Variants in MYH15 observed in about 807,000 individuals in gnomAD.
MYH15 encodes the protein myosin heavy chain 15.
MYH15 carries 227 observed loss-of-function variants against 240.5 expected under a neutral mutation model. The ratio of observed to expected loss-of-function variants is 0.94; its 90% CI spans 0.85 to 1.05. The LOEUF (loss-of-function observed/expected upper bound fraction) is 1.05, where lower values mean the gene tolerates loss of function less well. MYH15 is among the 50% of genes least tolerant of loss of function. The probability of loss-of-function intolerance (pLI) is 0.00; values close to 1 mark genes in which losing one functional copy is unlikely to be tolerated. For synonymous variants in MYH15, 785 were observed against 796.7 expected, an observed-to-expected ratio of 0.99 and a Z score of 0.25; for missense variants, 2,217 against 2,247.5, an observed-to-expected ratio of 0.99 and a Z score of 0.27.
At chr3:108,518,695 C>A (rs979029099) in intron 1 of MYH15, among the ~76,000 whole-genome samples, 1 of 152,174 alleles carries the variant, frequency 6.6e-6, no homozygotes. Flanking sequence ...GGTGTTCACA[C>A]GTCATGTGAC....
chr3:108,464,635 C>T lies in MYH15; in HGVS notation c.1731+3G>A. ...CAAGACCGGGGGTCCAGAGGTAACT[C>T]ACCACTCCTGCATAATGGACAAGTT... On this transcript the variant is annotated splice_donor_region_variant and intron_variant, in intron 15 of 40. Transcript: ENST00000693548. 1 of 1,605,266 alleles carries T rather than the reference C, an allele frequency of 6.2e-7. No individual in the cohort carries two copies. The highest frequency in any genetic ancestry group is 8.5e-7 in the Non-Finnish European group (1 of 1,176,514).
intron 33 of MYH15, among the ~76,000 whole-genome samples, chr3:108,402,648 T>C (rs2082514720): frequency 6.6e-6 from 1 of 152,132 alleles, no homozygotes; most frequent in Non-Finnish European, 1.5e-5. Flanking sequence ...AATAAAGAAG[T>C]TCAGTGCCTC....
intron 21 of MYH15, among the ~76,000 whole-genome samples, chr3:108,446,914 A>C (rs1408844896): frequency 6.6e-6 from 1 of 152,238 alleles, no homozygotes. Flanking sequence ...TGAATTGCTG[A>C]CAAAGAATTC....
At chr3:108,533,650 G>A (rs2083727076), upstream of MYH15, among the ~76,000 whole-genome samples, 2 of 152,120 alleles carry the variant, frequency 1.3e-5, no homozygotes, top group African/African-American at 4.8e-5. Flanking sequence ...ACTATATTTC[G>A]TGAAAGACTT....
the MYH15 span, among the ~76,000 whole-genome samples, chr3:108,536,272 C>CAA: frequency 6.6e-6 from 1 of 151,594 alleles, no homozygotes; most frequent in African/African-American, 2.4e-5. Context: ...CTCAAAAAAA[C>CAA]AAAACAAAAC....
intron 38 of MYH15, 103 bp from the exon 39 acceptor site, chr3:108,384,885 C>T (rs1183796599): frequency 1.0e-6 from 1 of 972,248 alleles, no homozygotes; most frequent in Non-Finnish European, 1.5e-6. Flanking sequence ...CTTTATTAAA[C>T]ATCATCTCAG....
At chr3:108,530,640 G>A (rs1247941881), upstream of MYH15, among the ~76,000 whole-genome samples, 1 of 152,186 alleles carries the variant, frequency 6.6e-6, no homozygotes, top group Non-Finnish European at 1.5e-5. Context: ...TGGTGGGGAT[G>A]TTGATAATGG....
At chr3:108,440,322 A>C (rs1456549066) in intron 23 of MYH15, among the ~76,000 whole-genome samples, 1 of 152,180 alleles carries the variant, frequency 6.6e-6, no homozygotes, top group African/African-American at 2.4e-5. Context: ...TATCCCAAGA[A>C]AGTGGCAGTT....
chr3:108,453,197 G>A (rs2082989504), intron 21 of MYH15, among the ~76,000 whole-genome samples: 1 of 152,092 alleles, frequency 6.6e-6, no homozygotes, highest in Non-Finnish European at 1.5e-5. Flanking sequence ...GCCATGTTCT[G>A]TGACCCCCAA....
chr3:108,405,304 C>T, intron 33 of MYH15, 34 bp downstream of exon 33: 1 of 1,291,434 alleles, frequency 7.7e-7, no homozygotes, highest in Non-Finnish European at 1.1e-6. Flanking sequence ...TTCAGAAATA[C>T]ATAATTGTTA....
intron 12 of MYH15, among the ~76,000 whole-genome samples, chr3:108,474,713 A>G (rs2083205864): frequency 6.6e-6 from 1 of 152,206 alleles, no homozygotes; most frequent in Non-Finnish European, 1.5e-5. Context: ...CTATAAACAT[A>G]GCATGTCATG....
intron 30 of MYH15, among the ~76,000 whole-genome samples, chr3:108,413,033 A>G (rs1314148567): frequency 6.6e-6 from 1 of 152,248 alleles, no homozygotes; most frequent in African/African-American, 2.4e-5. Flanking sequence ...TAGTTCCAAC[A>G]AACCCATGTG....
intron 30 of MYH15, among the ~76,000 whole-genome samples, chr3:108,412,679 G>C (rs548652287): frequency 6.6e-6 from 1 of 152,246 alleles, no homozygotes; most frequent in South Asian, 2.1e-4. Context: ...AATATGTAAA[G>C]GGATATTGGA....
chr3:108,403,002 T>C (rs1397932624), intron 33 of MYH15, among the ~76,000 whole-genome samples: 1 of 152,214 alleles, frequency 6.6e-6, no homozygotes, highest in Non-Finnish European at 1.5e-5. Flanking sequence ...AACTATAACA[T>C]TATTTATTTA....
intron 7 of MYH15, among the ~76,000 whole-genome samples, 158 bp downstream of exon 7, chr3:108,495,622 T>G (rs985184162): frequency 1.3e-5 from 2 of 152,220 alleles, no homozygotes; most frequent in Non-Finnish European, 2.9e-5. Context: ...CTTAATGATA[T>G]AGATAGTAAT....
At chr3:108,438,575 A>T (rs887117912) in intron 24 of MYH15, among the ~76,000 whole-genome samples, 3 of 152,098 alleles carry the variant, frequency 2.0e-5, no homozygotes, top group Non-Finnish European at 2.9e-5. Flanking sequence ...CCCTTTAGGA[A>T]GTGATGAGGT....
intron 35 of MYH15, among the ~76,000 whole-genome samples, chr3:108,398,239 G>A (rs537415172): frequency 2.6e-5 from 4 of 152,312 alleles, no homozygotes; most frequent in East Asian, 3.9e-4. Flanking sequence ...AGAACACCAT[G>A]TGAAGGCGGA....
chr3:108,544,830 A>G, the MYH15 span, among the ~76,000 whole-genome samples: 1 of 152,292 alleles, frequency 6.6e-6, no homozygotes, highest in African/African-American at 2.4e-5. Context: ...ATGTCTTTGG[A>G]CTTTTAAAAA....
At chr3:108,394,542 G>C (rs2107537849) in intron 35 of MYH15, among the ~76,000 whole-genome samples, 1 of 152,334 alleles carries the variant, frequency 6.6e-6, no homozygotes, top group South Asian at 2.1e-4. Flanking sequence ...CATCTGAGGA[G>C]CAGAGGTTGG....
Sources: allele counts gnomAD v4.1 joint callset (sites outside exome capture counted in the v4.1 genomes callset), GRCh38; gene constraint gnomAD v4.1.1; transcripts MANE v1.5; gene names NCBI Gene and HGNC (gene_info 2026-07-23, HGNC 2026-07-21).